ATP9B: variants seen among roughly 807,000 people sequenced by gnomAD.
ATP9B encodes the protein ATPase phospholipid transporting 9B.
In ATP9B, 110 loss-of-function variants were observed where a neutral mutation model predicts 146.1. The observed-to-expected ratio is 0.75, with a 90% CI of 0.65 to 0.88. ATP9B has a LOEUF of 0.88. Ranked by LOEUF, ATP9B falls within the 40% of genes least tolerant of loss-of-function variation. ATP9B has a pLI of 0.00. For synonymous variants in ATP9B, 604 were observed against 569.7 expected, an observed-to-expected ratio of 1.06 and a Z score of -0.86; for missense variants, 1,499 against 1,496.4, an observed-to-expected ratio of 1.00 and a Z score of -0.03.
intron 8 of ATP9B, among the ~76,000 whole-genome samples, chr18:79,177,353 A>T (rs530583764): frequency 6.6e-6 from 1 of 152,208 alleles, no homozygotes; most frequent in African/African-American, 2.4e-5. Flanking sequence ...CTCTCTCCAC[A>T]GTCTCCTGAG....
intron 2 of ATP9B, among the ~76,000 whole-genome samples, chr18:79,102,407 A>T: frequency 6.6e-6 from 1 of 152,144 alleles, no homozygotes; most frequent in East Asian, 1.9e-4. Context: ...TTCATTTTTT[A>T]GCCAGTGCGT....
intron 13 of ATP9B, among the ~76,000 whole-genome samples, chr18:79,290,214 C>T (rs910939778): frequency 1.3e-5 from 2 of 152,216 alleles, no homozygotes; most frequent in Non-Finnish European, 2.9e-5. Context: ...GTCCTGCCCC[C>T]AGAGGTGGAG....
intron 13 of ATP9B, chr18:79,299,892 A>G (rs1336850854): frequency 6.6e-6 from 1 of 152,220 alleles, no homozygotes; most frequent in Non-Finnish European, 1.5e-5. Context: ...CCTGCTGCAG[A>G]TGGGCAGCTC....
chr18:79,198,804 G>C (rs780868145), intron 9 of ATP9B, among the ~76,000 whole-genome samples: 15 of 152,158 alleles, frequency 9.9e-5, no homozygotes, highest in Non-Finnish European at 1.5e-4. Flanking sequence ...AGTTGGTCTG[G>C]GTGAGTCAGT....
At chr18:79,165,586 C>T (rs1370809286) in intron 7 of ATP9B, among the ~76,000 whole-genome samples, 1 of 152,168 alleles carries the variant, frequency 6.6e-6, no homozygotes, top group African/African-American at 2.4e-5. Context: ...TTTAGGAATA[C>T]TTGTTTTAAT....
At chr18:79,079,363 G>T (rs201862684) in intron 1 of ATP9B, among the ~76,000 whole-genome samples, 1 of 152,158 alleles carries the variant, frequency 6.6e-6, no homozygotes, top group Non-Finnish European at 1.5e-5. Context: ...TCTAACTGGC[G>T]TGAGATGGTA....
chr18:79,285,393 G>A (rs1170308771), intron 13 of ATP9B, among the ~76,000 whole-genome samples: 1 of 152,190 alleles, frequency 6.6e-6, no homozygotes, highest in Non-Finnish European at 1.5e-5. Context: ...ATTTTTTCAT[G>A]TGTCTCTTGG....
At chr18:79,185,832 A>G (rs2095303505) in intron 8 of ATP9B, among the ~76,000 whole-genome samples, 1 of 152,256 alleles carries the variant, frequency 6.6e-6, no homozygotes, top group Non-Finnish European at 1.5e-5. Context: ...GTGTCACATC[A>G]GACTGTGTCC....
At chr18:79,219,146 A>G (rs1228222683) in intron 11 of ATP9B, among the ~76,000 whole-genome samples, 1 of 152,214 alleles carries the variant, frequency 6.6e-6, no homozygotes, top group African/African-American at 2.4e-5. Flanking sequence ...AATTTTAGCA[A>G]CGAGGAAATC....
At chr18:79,236,190 T>G (rs2148622879) in intron 11 of ATP9B, among the ~76,000 whole-genome samples, 1 of 152,346 alleles carries the variant, frequency 6.6e-6, no homozygotes, top group Non-Finnish European at 1.5e-5. Context: ...AGCATTCTAG[T>G]GAGTATGTGG....
chr18:79,338,012 G>A lies in ATP9B; in HGVS notation c.2283+563G>A, dbSNP rs568416069. On this transcript the variant is annotated intron_variant, in intron 19 of 29. Transcript: ENST00000426216. ...GTGACGGCACGTGTTCCATGAGGAC[G>A]GGAGTGCATGAGAACCCAGACCTCA... Among the ~76,000 whole-genome samples the A allele has an allele frequency of 3.9e-5, 6 of 152,262 alleles. 1 individual carries two copies. The South Asian group carries it at 8.3e-4, about 21-fold the overall frequency.
intron 15 of ATP9B, among the ~76,000 whole-genome samples, chr18:79,317,770 G>A (rs1599916467): frequency 6.6e-6 from 1 of 152,212 alleles, no homozygotes; most frequent in Non-Finnish European, 1.5e-5. Flanking sequence ...CTCCGGGGTG[G>A]TGGAAACATG....
intron 7 of ATP9B, among the ~76,000 whole-genome samples, chr18:79,157,959 C>T (rs2094820776): frequency 6.6e-6 from 1 of 152,044 alleles, no homozygotes; most frequent in Non-Finnish European, 1.5e-5. Flanking sequence ...AAATAACCAG[C>T]TTTTGGTTTT....
chr18:79,125,086 G>A (rs649923), intron 4 of ATP9B, among the ~76,000 whole-genome samples: 9,526 of 152,308 alleles, frequency 0.063, 375 homozygotes, highest in Non-Finnish European at 0.092. Flanking sequence ...CTTGAGAATA[G>A]TTTTAGTCAA....
At chr18:79,096,369 C>A in intron 1 of ATP9B, 107 bp from the exon 2 acceptor site, 1 of 1,041,842 alleles carries the variant, frequency 9.6e-7, no homozygotes, top group South Asian at 1.6e-5. Context: ...ATAATGCTTT[C>A]CCTCAGCTGA....
chr18:79,129,415 G>T (rs2094340516), intron 5 of ATP9B, among the ~76,000 whole-genome samples: 2 of 152,144 alleles, frequency 1.3e-5, no homozygotes, highest in African/African-American at 4.8e-5. Context: ...GTTGTTAATG[G>T]CCTGGCTAAA....
In ATP9B at chr18:79,073,034, C is replaced by T. The variant is rs532033868; in HGVS notation, c.119+3505C>T. On this transcript the variant is annotated intron_variant, in intron 1 of 29. Coordinates refer to ENST00000426216, the MANE Select transcript of ATP9B (RefSeq NM_198531.5). ...GGCGCTCCTCACTTCCCAGACTGGG[C>T]GGCGGGGCAGAGGAGCTCCTCCCAT... Among the ~76,000 whole-genome samples, 598 of 150,220 alleles carry T rather than the reference C, an allele frequency of 4.0e-3. 3 individuals carry two copies. The highest frequency in any genetic ancestry group is 7.0e-3 in the Middle Eastern group (2 of 286).
chr18:79,271,019 G>C (rs2096248295), intron 12 of ATP9B, among the ~76,000 whole-genome samples: 2 of 152,146 alleles, frequency 1.3e-5, no homozygotes, highest in African/African-American at 4.8e-5. Flanking sequence ...CCTGTGAGCT[G>C]CATGTGCAGC....
intron 15 of ATP9B, among the ~76,000 whole-genome samples, chr18:79,317,767 G>A (rs1305559414): frequency 6.6e-6 from 1 of 152,206 alleles, no homozygotes; most frequent in Non-Finnish European, 1.5e-5. Flanking sequence ...CCTCTCCGGG[G>A]TGGTGGAAAC....
Sources: allele counts gnomAD v4.1 joint callset (sites outside exome capture counted in the v4.1 genomes callset), GRCh38; gene constraint gnomAD v4.1.1; transcripts MANE v1.5; gene names NCBI Gene and HGNC (gene_info 2026-07-23, HGNC 2026-07-21).